KLC1: variants seen among roughly 807,000 people sequenced by gnomAD.
The protein encoded by KLC1 is kinesin 2 60/70kDa.
A neutral mutation model predicts 84.2 loss-of-function variants in KLC1; 30 were observed. The ratio of observed to expected loss-of-function variants is 0.36; its 90% CI spans 0.27 to 0.48. The LOEUF is 0.48. Among genes scored for constraint, KLC1 ranks in the 20% least tolerant of loss-of-function variants. The pLI is 0.99. For missense variants in KLC1, 499 were observed against 805.4 expected (o/e 0.62, Z 4.60); for synonymous variants, 289 against 293.3 (o/e 0.99, Z 0.15).
chr14:103,701,219 G>C lies in KLC1; in HGVS notation c.*20G>C, dbSNP rs375083845. 4 of 1,550,370 alleles carry C rather than the reference G, an allele frequency of 2.6e-6. No individual in the cohort carries two copies. The highest frequency in any genetic ancestry group is 1.4e-5 in the African/African-American group (1 of 73,166). On this transcript the variant is annotated 3_prime_UTR_variant, in exon 17 of 17. Transcript: ENST00000334553. ...CTTGCAGTGACCCCGACCTGGCCCC[G>C]CTCCAGGATGGGACTGCCGAGTGTG... is the stretch of plus-strand genomic sequence containing the variant.
At chr14:103,666,338 C>T (rs1292796049) in intron 5 of KLC1, among the ~76,000 whole-genome samples, 2 of 152,110 alleles carry the variant, frequency 1.3e-5, no homozygotes, top group Non-Finnish European at 2.9e-5. Flanking sequence ...GCTGGGATTA[C>T]AGGCATGAGC....
At chr14:103,695,429 T>C (rs1310520547) in intron 15 of KLC1, 3 of 981,520 alleles carry the variant, frequency 3.1e-6, no homozygotes, top group Non-Finnish European at 3.6e-6. Context: ...AAAAGGGGGG[T>C]GTAGAGCAGC....
At chr14:103,658,428 G>GTTTTTTTTT (rs536826342) in intron 3 of KLC1, among the ~76,000 whole-genome samples, 2 of 91,232 alleles carry the variant, frequency 2.2e-5, no homozygotes, top group East Asian at 6.6e-4. Flanking sequence ...GCCCAGCTAA[G>GTTTTTTTTT]TTTTTTTTTT....
At chr14:103,680,154 C>T (rs2081230563) in intron 13 of KLC1, among the ~76,000 whole-genome samples, 1 of 152,116 alleles carries the variant, frequency 6.6e-6, no homozygotes, top group Non-Finnish European at 1.5e-5. Context: ...GCACAGGGCC[C>T]CCTCTGGGTT....
chr14:103,641,370 T>A (rs1402989829), intron 1 of KLC1, among the ~76,000 whole-genome samples: 1 of 152,150 alleles, frequency 6.6e-6, no homozygotes, highest in African/African-American at 2.4e-5. Context: ...TAGACTTTCC[T>A]TGCATTAGAG....
At chr14:103,631,822 C>T (rs1293222469) in intron 1 of KLC1, among the ~76,000 whole-genome samples, 1 of 151,772 alleles carries the variant, frequency 6.6e-6, no homozygotes, top group Non-Finnish European at 1.5e-5. Flanking sequence ...TGGTCTCAAA[C>T]TGCTGACCTC....
intron 15 of KLC1, chr14:103,697,019 C>T (rs1344656754): frequency 3.3e-5 from 33 of 985,430 alleles, no homozygotes; most frequent in Middle Eastern, 5.2e-4. Flanking sequence ...AGCTTCCAGG[C>T]GTGTTTTCTC....
chr14:103,697,737 T>TG (rs34975865), intron 15 of KLC1: 2 of 152,152 alleles, frequency 1.3e-5, no homozygotes, highest in African/African-American at 4.8e-5. Context: ...ACTGTGCCCA[T>TG]GGGGAGGCCA....
At chr14:103,667,403 A>T (rs1436607999) in intron 5 of KLC1, among the ~76,000 whole-genome samples, 1 of 150,280 alleles carries the variant, frequency 6.7e-6, no homozygotes, top group East Asian at 2.0e-4. Flanking sequence ...CACCGTGCCC[A>T]GCCTTGGTAG....
chr14:103,696,688 C>T, intron 15 of KLC1: 15 of 985,468 alleles, frequency 1.5e-5, no homozygotes, highest in Non-Finnish European at 1.7e-5. Context: ...GATATGTAGA[C>T]GTGTATTCTG....
intron 14 of KLC1, among the ~76,000 whole-genome samples, chr14:103,689,210 T>C (rs961573011): frequency 6.6e-6 from 1 of 152,216 alleles, no homozygotes; most frequent in African/African-American, 2.4e-5. Flanking sequence ...TCTTAAGTTT[T>C]GAAGCCTTTT....
chr14:103,639,212 GAGT>G (rs1284966612), intron 1 of KLC1, among the ~76,000 whole-genome samples: 5 of 152,118 alleles, frequency 3.3e-5, no homozygotes, highest in African/African-American at 1.2e-4. Flanking sequence ...GTCCAGGCTG[GAGT>G]ACAGTGGCAT....
chr14:103,632,926 A>G (rs1436872282), intron 1 of KLC1, among the ~76,000 whole-genome samples: 3 of 151,670 alleles, frequency 2.0e-5, no homozygotes, highest in Admixed American at 6.6e-5. Context: ...ATAAATCCTG[A>G]GGTTGTGCTG....
chr14:103,648,691 C>T (rs987016644), intron 1 of KLC1, among the ~76,000 whole-genome samples: 6 of 152,110 alleles, frequency 3.9e-5, no homozygotes, highest in Admixed American at 2.6e-4. Context: ...GTCCCAACTA[C>T]GTGGGAGACT....
chr14:103,699,564 C>G, intron 15 of KLC1: 1 of 1,613,310 alleles, frequency 6.2e-7, no homozygotes. Flanking sequence ...TTCACACACT[C>G]CAACAAGGTG....
chr14:103,680,515 T>C (rs907720981), intron 13 of KLC1, among the ~76,000 whole-genome samples: 1 of 152,234 alleles, frequency 6.6e-6, no homozygotes, highest in African/African-American at 2.4e-5. Context: ...TGGTAGGAGC[T>C]AGCATTCTAA....
chr14:103,680,453 C>G (rs1357857124), intron 13 of KLC1, among the ~76,000 whole-genome samples: 1 of 152,100 alleles, frequency 6.6e-6, no homozygotes, highest in Non-Finnish European at 1.5e-5. Context: ...TTTGGGCTTT[C>G]TTACAATGTA....
Position 103,692,258 on chromosome 14 carries a change from A to G in KLC1, c.1782-101A>G. 4 of 1,030,094 alleles carry G rather than the reference A, an allele frequency of 3.9e-6. No individual in the cohort carries two copies. In the East Asian group the frequency reaches 7.8e-5, roughly 20 times the overall value. 63.8% of individuals were successfully genotyped at this position (1,030,094 alleles called of 1,614,324 possible). ...TGAAGGCAAGGTCCCTAGAGCCCCC[A>G]GTGTCACAGAGGCGTTGGAGGGGGC... is the stretch of plus-strand genomic sequence containing the variant. On this transcript the variant is annotated intron_variant, in intron 14 of 16. Coordinates refer to ENST00000334553, the MANE Select transcript of KLC1 (RefSeq NM_001394837.1).
intron 15 of KLC1, chr14:103,698,458 G>A: frequency 2.7e-6 from 1 of 371,086 alleles, no homozygotes; most frequent in South Asian, 2.4e-5. Context: ...CTTCCATGTG[G>A]AGAGAAGAAG....
Sources: gnomAD v4.1 joint callset for allele counts (sites outside exome capture counted in the v4.1 genomes callset) on GRCh38, gnomAD v4.1.1 for gene constraint, MANE v1.5 for transcripts, NCBI Gene and HGNC (gene_info 2026-07-23, HGNC 2026-07-21) for gene names.